ZWILCH: variants seen among roughly 807,000 people sequenced by gnomAD.
ZWILCH encodes zwilch kinetochore protein.
Under a neutral mutation model 79.9 loss-of-function variants are expected in ZWILCH, and 74 were observed. The observed-to-expected ratio is 0.93, with a 90% CI of 0.77 to 1.12. The LOEUF is 1.12. Among genes scored for constraint, ZWILCH ranks in the 50% most tolerant of loss-of-function variants. ZWILCH has a pLI of 0.00. For synonymous variants in ZWILCH, 241 were observed against 228.2 expected (o/e 1.06, Z -0.51); for missense variants, 694 against 687.5 (o/e 1.01, Z -0.11).
intron 4 of ZWILCH, among the ~76,000 whole-genome samples, chr15:66,517,430 G>GTGTGTGTGTATATATATATATATA: frequency 1.3e-3 from 86 of 66,474 alleles, no homozygotes; most frequent in South Asian, 4.4e-3. Flanking sequence ...GTGTGTGTGT[G>GTGTGTGTGTATATATATATATATA]TATATATATA....
At chr15:66,505,480 T>C (rs942017412) in intron 1 of ZWILCH, 89 bp downstream of exon 1, 1 of 1,506,188 alleles carries the variant, frequency 6.6e-7, no homozygotes, top group Non-Finnish European at 9.2e-7. Flanking sequence ...CTCTTGCCAC[T>C]CTGGGGATCA....
rs1270930238 is a variant in ZWILCH at position 66,546,630 on chromosome 15, G to C, written c.1727G>C (p.Arg576Thr). The change falls in exon 18 of 19, where the codon AGG becomes ACG. Residue 576 changes from arginine to threonine, a missense_variant. Arg to Thr is a moderately conservative substitution (Grantham distance 71, BLOSUM62 -1). Transcript: ENST00000307897. ...ACACTAAACGGTAGCCTGGAAGAAAGGATATTCTTTACTAACATGGTTACC... is the reference window on the plus strand; with the variant it reads ...ACACTAAACGGTAGCCTGGAAGAAACGATATTCTTTACTAACATGGTTACC... ...ELTLNGSLEE[R>T]IFFTNMVTCS... is the part of the protein sequence containing the mutation. The C allele has an allele frequency of 1.2e-6, 2 of 1,609,378 alleles. No individual in the cohort carries two copies. The highest frequency in any genetic ancestry group is 3.4e-5 in the Admixed American group (2 of 58,932).
rs747848756 is a variant in ZWILCH at position 66,537,302 on chromosome 15, A to G, written c.1574+39A>G. On this transcript the variant is annotated intron_variant, in intron 16 of 18. Coordinates refer to ENST00000307897, the MANE Select transcript of ZWILCH (RefSeq NM_017975.5). ...GCTAGGCATGGTGGCTCATGCCTGT[A>G]ATCCTAGCACTATGGGAGGCTGAGG... 18 of 1,472,440 alleles carry G rather than the reference A, an allele frequency of 1.2e-5. No individual in the cohort carries two copies. In the East Asian group the frequency reaches 3.6e-4, roughly 30 times the overall value. The allele number at this position is 1,472,440 out of a possible 1,614,324, so 91.2% of individuals were successfully genotyped here. A position where few individuals can be genotyped will look rare whatever the true frequency, so the allele number is the denominator to read the frequency against.
At chr15:66,546,933 T>TA (rs1162655868) in intron 18 of ZWILCH, 71 of 196,290 alleles carry the variant, frequency 3.6e-4, no homozygotes, top group Non-Finnish European at 4.8e-4. Flanking sequence ...ACCAGAGAAA[T>TA]AAAAAAAAAT....
chr15:66,527,890 C>CA lies in ZWILCH; in HGVS notation c.954dup (p.Asp319ArgfsTer3), dbSNP rs746390455. ...AAGCTGGATGGATTTGGTGATTCTA[C>CA]AAAAAAAGACACTGAGGTTGAGGTA... On this transcript the variant is annotated frameshift_variant, in exon 10 of 19. Transcript: ENST00000307897. LOFTEE classifies it high-confidence loss of function. 1.2e-5 allele frequency: 19 copies of CA among 1,596,228 alleles called. No homozygotes were observed. The highest frequency in any genetic ancestry group is 2.7e-5 in the African/African-American group (2 of 73,432).
In ZWILCH at chr15:66,548,763, T is replaced by C. The variant is rs1018839558; in HGVS notation, c.*439T>C. 1 of 454,384 alleles carries C rather than the reference T, an allele frequency of 2.2e-6. No individual in the cohort carries two copies. The highest frequency in any genetic ancestry group is 2.0e-5 in the African/African-American group (1 of 50,886). The allele number at this position is 454,384 out of a possible 1,614,324, so 28.1% of individuals were successfully genotyped here. On this transcript the variant is annotated 3_prime_UTR_variant, in exon 19 of 19. Coordinates refer to ENST00000307897, the MANE Select transcript of ZWILCH (RefSeq NM_017975.5). ...TGCCATGAAATAGAACTTAGTAAAT[T>C]AAATGTTATTTGAAAATGTTATAAG... is the stretch of plus-strand genomic sequence containing the variant.
At position 66,518,966 on chromosome 15, in the gene ZWILCH, T is replaced by C; in HGVS notation, c.408T>C (p.Leu136=). 1 of 1,614,190 alleles carries C rather than the reference T, an allele frequency of 6.2e-7. No individual in the cohort carries two copies. Among genetic ancestry groups the C allele is most frequent in the Non-Finnish European group, 8.5e-7 (1 of 1,180,014 alleles). The part of the protein sequence containing the change: ...INLPVTALPP[L]WVRCDSSDPE... The stretch of plus-strand genomic sequence containing the variant: ...TGCCAGTTACTGCCCTTCCTCCCCT[T>C]TGGGTAAGATGTGACAGTTCAGATC... Residue 136 remains leucine (L), a synonymous_variant, in exon 5 of 19, where the codon CTT becomes CTC. Coordinates refer to ENST00000307897, the MANE Select transcript of ZWILCH (RefSeq NM_017975.5).
At position 66,549,096 on chromosome 15, in the gene ZWILCH, CAT is replaced by C. The variant is rs1895495639; in HGVS notation, c.*775_*776del. On this transcript the variant is annotated 3_prime_UTR_variant, in exon 19 of 19. Transcript: ENST00000307897. ...AATCTTTTTAAGAGTTAATGATAAG[CAT>C]ATGTTATGTGCATTATTAATAAAAT... 1 of 152,494 alleles carries C rather than the reference CAT, an allele frequency of 6.6e-6. No individual in the cohort carries two copies. 9.4% of individuals were successfully genotyped at this position (152,494 alleles called of 1,614,324 possible). A position where few individuals can be genotyped will look rare whatever the true frequency, so the allele number is the denominator to read the frequency against.
chr15:66,548,710 A>C lies in ZWILCH; in HGVS notation c.*386A>C. On this transcript the variant is annotated 3_prime_UTR_variant, in exon 19 of 19. Transcript: ENST00000307897. ...ACTGTATTGGGAAAACTTAAAAAAT[A>C]GCATCCTCAAATTTTCTGATTCTTA... The C allele has an allele frequency of 2.0e-6, 1 of 500,904 alleles. No homozygotes were observed. The allele number at this position is 500,904 out of a possible 1,614,324, so 31.0% of individuals were successfully genotyped here. A position where few individuals can be genotyped will look rare whatever the true frequency, so the allele number is the denominator to read the frequency against.
intron 6 of ZWILCH, 97 bp from the exon 7 acceptor site, chr15:66,520,953 T>G: frequency 7.1e-7 from 1 of 1,400,402 alleles, no homozygotes; most frequent in Non-Finnish European, 9.8e-7. Flanking sequence ...GTGTGTGCTC[T>G]TTTTTCTTTT....
intron 12 of ZWILCH, among the ~76,000 whole-genome samples, chr15:66,531,156 T>A (rs1043183237): frequency 2.0e-5 from 3 of 152,214 alleles, no homozygotes; most frequent in African/African-American, 7.2e-5. Context: ...TCTTTTTAAT[T>A]TACAAATTAT....
chr15:66,518,752 A>T, intron 4 of ZWILCH, 127 bp from the exon 5 acceptor site: 1 of 823,500 alleles, frequency 1.2e-6, no homozygotes, highest in Non-Finnish European at 2.0e-6. Flanking sequence ...CCAAGGCTGT[A>T]GTGAGCTATG....
intron 17 of ZWILCH, among the ~76,000 whole-genome samples, chr15:66,546,242 T>C (rs1273812148): frequency 2.0e-5 from 3 of 152,178 alleles, no homozygotes; most frequent in Non-Finnish European, 4.4e-5. Flanking sequence ...AAATCTTAAA[T>C]AGAAATTCTT....
chr15:66,529,960 T>G (rs1894809738), intron 12 of ZWILCH, among the ~76,000 whole-genome samples: 1 of 152,226 alleles, frequency 6.6e-6, no homozygotes, highest in Non-Finnish European at 1.5e-5. Context: ...GGTAATGTAT[T>G]GAGATCCTCA....
At position 66,522,481 on chromosome 15, in the gene ZWILCH, G is replaced by GTGCA. The variant is rs1894534276; in HGVS notation, c.748-1192_748-1189dup. 2.0e-5 allele frequency among the ~76,000 whole-genome samples: 3 copies of GTGCA among 151,696 alleles called. No homozygotes were observed. In the South Asian group the frequency reaches 6.2e-4, roughly 32 times the overall value. On this transcript the variant is annotated intron_variant, in intron 7 of 18. Transcript: ENST00000307897. ...GCCTCCCAAGTAGCTGGGACTACAG[G>GTGCA]TGCATGCCACCATGCCCAGCTAATT...
intron 16 of ZWILCH, among the ~76,000 whole-genome samples, chr15:66,537,840 C>T (rs1372626251): frequency 6.6e-6 from 1 of 152,154 alleles, no homozygotes; most frequent in East Asian, 1.9e-4. Context: ...TCATCTGTGA[C>T]CATAGTCTGA....
intron 2 of ZWILCH, among the ~76,000 whole-genome samples, chr15:66,509,770 A>G (rs1474459072): frequency 7.6e-6 from 1 of 131,490 alleles, no homozygotes; most frequent in Non-Finnish European, 1.8e-5. Context: ...GGTGGGGGGA[A>G]TACTCATGAA....
intron 7 of ZWILCH, among the ~76,000 whole-genome samples, chr15:66,522,057 G>T (rs1199723090): frequency 6.6e-6 from 1 of 151,934 alleles, no homozygotes; most frequent in East Asian, 2.0e-4. Flanking sequence ...AATTAGCTGG[G>T]TGTGGTGTTG....
chr15:66,524,720 C>G (rs1268330679), intron 8 of ZWILCH, among the ~76,000 whole-genome samples: 1 of 152,192 alleles, frequency 6.6e-6, no homozygotes, highest in Non-Finnish European at 1.5e-5. Flanking sequence ...CCCTTACCAT[C>G]TAGCATAGTA....
Sources: gnomAD v4.1 joint callset for allele counts (sites outside exome capture counted in the v4.1 genomes callset) on GRCh38, gnomAD v4.1.1 for gene constraint, MANE v1.5 for transcripts, NCBI Gene and HGNC (gene_info 2026-07-23, HGNC 2026-07-21) for gene names.